The following DACH1 variants were observed in gnomAD, a reference collection of about 807,000 sequenced individuals.
DACH1 encodes dachshund homolog 1.
In DACH1, 12 loss-of-function variants were observed where a neutral mutation model predicts 54.2. The observed-to-expected ratio is 0.22, with a 90% CI of 0.14 to 0.36. The LOEUF (loss-of-function observed/expected upper bound fraction) is 0.36, where lower values mean the gene tolerates loss of function less well. DACH1 is among the 10% of genes least tolerant of loss of function. The pLI is 1.00. For missense variants in DACH1, 805 were observed against 929.8 expected, an observed-to-expected ratio of 0.87 and a Z score of 1.75; for synonymous variants, 386 against 366.2, an observed-to-expected ratio of 1.05 and a Z score of -0.62.
intron 3 of DACH1, among the ~76,000 whole-genome samples, chr13:71,601,791 T>C (rs1286419732): frequency 6.6e-6 from 1 of 152,026 alleles, no homozygotes; most frequent in Non-Finnish European, 1.5e-5. Context: ...ATGTAACCAC[T>C]GATCATATAG....
At chr13:71,677,568 G>T (rs910614153) in intron 2 of DACH1, among the ~76,000 whole-genome samples, 1 of 152,012 alleles carries the variant, frequency 6.6e-6, no homozygotes, top group East Asian at 1.9e-4. Flanking sequence ...TATTAAGACT[G>T]GGAAAATACA....
At chr13:71,792,370 A>ACC (rs1555323883) in intron 1 of DACH1, among the ~76,000 whole-genome samples, 12 of 149,864 alleles carry the variant, frequency 8.0e-5, no homozygotes, top group African/African-American at 2.7e-4. Context: ...ACACACACAC[A>ACC]CCCCTGGAAT....
At chr13:71,503,277 C>T (rs1009194455) in intron 6 of DACH1, among the ~76,000 whole-genome samples, 4 of 152,156 alleles carry the variant, frequency 2.6e-5, no homozygotes, top group African/African-American at 9.7e-5. Flanking sequence ...AGGGAAGGAA[C>T]TCAGTCCATT....
chr13:71,688,069 C>A (rs59036608), intron 1 of DACH1, among the ~76,000 whole-genome samples: 25,633 of 152,076 alleles, frequency 0.17, 5,418 homozygotes, highest in African/African-American at 0.49. Flanking sequence ...TTTAATCTTT[C>A]CTTTCCATTT....
rs150910312 is a variant in DACH1, at chr13:71,555,907, A to G, written c.1570+1117T>C. Among the ~76,000 whole-genome samples the G allele has an allele frequency of 1.2e-3, 183 of 152,278 alleles. 2 individuals carry two copies. In the East Asian group the frequency reaches 0.028, roughly 23 times the overall value. ...TTATTAATGTCTCTATTTCTCAATT[A>G]TGCCTAGATGTTAACATGTTAGTAC... On this transcript the variant is annotated intron_variant, in intron 6 of 10. Coordinates refer to ENST00000613252, the MANE Select transcript of DACH1 (RefSeq NM_080759.6).
At chr13:71,620,594 T>C (rs764164443) in intron 3 of DACH1, among the ~76,000 whole-genome samples, 1 of 152,018 alleles carries the variant, frequency 6.6e-6, no homozygotes, top group Non-Finnish European at 1.5e-5. Flanking sequence ...CAGCACATTA[T>C]ATTAAATAAT....
intron 2 of DACH1, among the ~76,000 whole-genome samples, chr13:71,660,593 C>A (rs2138650623): frequency 6.6e-6 from 1 of 152,122 alleles, no homozygotes; most frequent in Non-Finnish European, 1.5e-5. Context: ...TGATTTTCAG[C>A]AGCAAACCCT....
intron 10 of DACH1, among the ~76,000 whole-genome samples, chr13:71,441,008 G>A (rs61957777): frequency 0.094 from 14,261 of 151,956 alleles, 740 homozygotes; most frequent in Middle Eastern, 0.15. Flanking sequence ...GTTGATTTCT[G>A]TTGAATAACA....
At chr13:71,766,344 T>C (rs949213113) in intron 1 of DACH1, among the ~76,000 whole-genome samples, 2 of 152,206 alleles carry the variant, frequency 1.3e-5, no homozygotes, top group Non-Finnish European at 2.9e-5. Flanking sequence ...ATGGCCGGGC[T>C]TCATTCAGCT....
chr13:71,586,656 C>T (rs917426175), intron 3 of DACH1, among the ~76,000 whole-genome samples: 1 of 151,714 alleles, frequency 6.6e-6, no homozygotes, highest in African/African-American at 2.4e-5. Context: ...CCAAAAGATA[C>T]CACAATAATT....
chr13:71,499,485 C>T (rs540132432), intron 6 of DACH1, among the ~76,000 whole-genome samples: 1 of 152,206 alleles, frequency 6.6e-6, no homozygotes, highest in Admixed American at 6.5e-5. Flanking sequence ...AACATGTACA[C>T]CAGGCTTTAT....
At chr13:71,627,209 G>T (rs866168156) in intron 3 of DACH1, among the ~76,000 whole-genome samples, 1 of 151,746 alleles carries the variant, frequency 6.6e-6, no homozygotes. Flanking sequence ...AACCGGGAAG[G>T]GTTGTGTGAT....
At chr13:71,759,276 A>G (rs1885301571) in intron 1 of DACH1, among the ~76,000 whole-genome samples, 1 of 152,088 alleles carries the variant, frequency 6.6e-6, no homozygotes, top group Non-Finnish European at 1.5e-5. Context: ...TGGAAGATGA[A>G]GCCTTTATTT....
At chr13:71,679,291 A>C (rs1880756619) in intron 2 of DACH1, among the ~76,000 whole-genome samples, 1 of 152,218 alleles carries the variant, frequency 6.6e-6, no homozygotes, top group African/African-American at 2.4e-5. Context: ...GGACTTTGGA[A>C]TATGACCTTC....
rs143862824 is a variant in DACH1 at position 71,658,738 on chromosome 13, T to C, written c.964+23057A>G. Among the ~76,000 whole-genome samples, 1,219 of 152,268 alleles carry C rather than the reference T, an allele frequency of 8.0e-3. 21 individuals are homozygous for C. Among genetic ancestry groups the C allele is most frequent in the African/African-American group, 0.028 (1,147 of 41,558 alleles). On this transcript the variant is annotated intron_variant, in intron 2 of 10. Coordinates refer to ENST00000613252, the MANE Select transcript of DACH1 (RefSeq NM_080759.6). ...GTATTCCAAAAACTAGAAACTGTGA[T>C]TTGAGGAAGAGATCTTGCTGGAATA...
Position 71,812,236 on chromosome 13 carries a change from G to T in DACH1, c.848+53686C>A, listed in dbSNP as rs144037097. Among the ~76,000 whole-genome samples, 488 of 152,258 alleles carry T rather than the reference G, an allele frequency of 3.2e-3. 2 individuals carry two copies. The highest frequency in any genetic ancestry group is 0.011 in the African/African-American group (459 of 41,564). Reference sequence around the variant, plus strand: ...GTTTCCACTCTGAAGGATATAAATTGAACTGTCCATGATCCTTGGTGTCTA... The same window carrying T: ...GTTTCCACTCTGAAGGATATAAATTTAACTGTCCATGATCCTTGGTGTCTA... On this transcript the variant is annotated intron_variant, in intron 1 of 10. Transcript: ENST00000613252.
chr13:71,494,086 T>A (rs1879214686), intron 6 of DACH1, among the ~76,000 whole-genome samples: 1 of 152,104 alleles, frequency 6.6e-6, no homozygotes. Flanking sequence ...AGGAAAAAAA[T>A]TAAGCACTTT....
intron 1 of DACH1, among the ~76,000 whole-genome samples, chr13:71,768,581 C>T (rs548906767): frequency 6.6e-6 from 1 of 151,912 alleles, no homozygotes; most frequent in Admixed American, 6.6e-5. Flanking sequence ...AGTTCTACAG[C>T]CCTGAGCACA....
chr13:71,710,396 A>G (rs566193178), intron 1 of DACH1, among the ~76,000 whole-genome samples: 1 of 151,976 alleles, frequency 6.6e-6, no homozygotes, highest in Non-Finnish European at 1.5e-5. Context: ...AGCCCCAGAG[A>G]TTAATGAGAA....
Sources: allele counts gnomAD v4.1 joint callset (sites outside exome capture counted in the v4.1 genomes callset), GRCh38; gene constraint gnomAD v4.1.1; transcripts MANE v1.5; gene names NCBI Gene and HGNC (gene_info 2026-07-23, HGNC 2026-07-21).